The following SH3TC1 variants were observed in gnomAD, a reference collection of about 807,000 sequenced individuals.
SH3TC1 encodes the protein SH3 domain and tetratricopeptide repeats 1.
A neutral mutation model predicts 117.3 loss-of-function variants in SH3TC1; 135 were observed. The observed-to-expected ratio is 1.15, with a 90% CI of 1.00 to 1.33. SH3TC1 has a LOEUF of 1.33. SH3TC1 is among the 40% of genes most tolerant of loss of function. SH3TC1 has a pLI of 0.00. For synonymous variants in SH3TC1, 898 were observed against 816.9 expected, an observed-to-expected ratio of 1.10 and a Z score of -1.69; for missense variants, 2,092 against 1,794.3, an observed-to-expected ratio of 1.17 and a Z score of -3.00.
At position 8,214,372 on chromosome 4, in the gene SH3TC1, G is replaced by A. The variant is rs2291069; in HGVS notation, c.376-103G>A. On this transcript the variant is annotated intron_variant, in intron 4 of 17. Coordinates refer to ENST00000245105, the MANE Select transcript of SH3TC1 (RefSeq NM_018986.5). Reference sequence around the variant, plus strand: ...TGCCCTGGGTGTGTCGTCCCCCGCCGGGGCCACATCTGCAAGATGTCTCTG... The same window carrying A: ...TGCCCTGGGTGTGTCGTCCCCCGCCAGGGCCACATCTGCAAGATGTCTCTG... The A allele has an allele frequency of 0.51, 537,492 of 1,053,828 alleles. 143,789 individuals carry two copies. The highest frequency in any genetic ancestry group is 0.82 in the East Asian group (32,828 of 40,064). 65.3% of individuals were successfully genotyped at this position (1,053,828 alleles called of 1,614,324 possible).
chr4:8,232,504 C>T, intron 13 of SH3TC1: 2 of 1,399,388 alleles, frequency 1.4e-6, no homozygotes, highest in Non-Finnish European at 1.9e-6. Flanking sequence ...CCCGAGTCTT[C>T]ACTCCTGGCC....
chr4:8,184,333 T>C (rs751085718), intron 1 of SH3TC1, among the ~76,000 whole-genome samples: 9 of 152,242 alleles, frequency 5.9e-5, no homozygotes, highest in Non-Finnish European at 1.2e-4. Context: ...CCAGTCTACA[T>C]GTACGGAAGT....
Position 8,205,203 on chromosome 4 carries a change from C to T in SH3TC1, c.9C>T (p.Asn3=). 1 of 1,531,606 alleles carries T rather than the reference C, an allele frequency of 6.5e-7. No homozygotes were observed. The highest frequency in any genetic ancestry group is 8.8e-7 in the Non-Finnish European group (1 of 1,140,100). The allele number at this position is 1,531,606 out of a possible 1,614,324, so 94.9% of individuals were successfully genotyped here. A position where few individuals can be genotyped will look rare whatever the true frequency, so the allele number is the denominator to read the frequency against. ME[N]LPAVTTEEPT... is the part of the protein sequence containing the mutation. ...TGAGGTCTCTGCGGGTCATGGAGAACCTCCCTGCCGTGACCACTGAGGAGC... is the reference window on the plus strand; with the variant it reads ...TGAGGTCTCTGCGGGTCATGGAGAATCTCCCTGCCGTGACCACTGAGGAGC... The change falls in exon 2 of 18, where the codon AAC becomes AAT. Residue 3 remains asparagine (N), a synonymous_variant. Transcript: ENST00000245105. This position sits in a 1 kb window ranked among gnomAD's most constrained non-coding sequence, Gnocchi z 5.4.
chr4:8,212,162 A>T (rs1221400837), intron 3 of SH3TC1, among the ~76,000 whole-genome samples: 1 of 151,964 alleles, frequency 6.6e-6, no homozygotes, highest in Non-Finnish European at 1.5e-5. Context: ...AGTGGAGAGG[A>T]GCCGGCTTAG....
At chr4:8,203,520 A>C (rs1215903249) in intron 1 of SH3TC1, among the ~76,000 whole-genome samples, 2 of 151,876 alleles carry the variant, frequency 1.3e-5, no homozygotes. Flanking sequence ...GGTGCTGGGG[A>C]AGGAAACTGG....
Position 8,212,686 on chromosome 4 carries a change from C to T in SH3TC1, c.248-15C>T, listed in dbSNP as rs372665200. 5.4e-5 allele frequency: 87 copies of T among 1,612,782 alleles called. No individual in the cohort carries two copies. In the African/African-American group the frequency reaches 9.5e-4, roughly 18 times the overall value. On this transcript the variant is annotated splice_polypyrimidine_tract_variant and intron_variant, in intron 3 of 17. Coordinates refer to ENST00000245105, the MANE Select transcript of SH3TC1 (RefSeq NM_018986.5). ...CAGGTCAGACCAACTGCCCAACCTC[C>T]GTCTGCCCCTCCAGACCTGACCCTG...
In SH3TC1 at chr4:8,228,448, C is replaced by T. The variant is rs752189633; in HGVS notation, c.2754C>T (p.Ala918=). The T allele has an allele frequency of 1.2e-6, 2 of 1,604,876 alleles. No homozygotes were observed. Among genetic ancestry groups the T allele is most frequent in the East Asian group, 2.2e-5 (1 of 44,782 alleles). Residue 918 remains alanine (A), a synonymous_variant, in exon 12 of 18, where the codon GCC becomes GCT. Coordinates refer to ENST00000245105, the MANE Select transcript of SH3TC1 (RefSeq NM_018986.5). ...GGGCCCTGTGCCTGCATGCGGGTGC[C>T]AGCAGGCTGGCCCAGCACTACCTCC... ...NFGALCLHAG[A]SRLAQHYLLE... is the part of the protein sequence containing the mutation.
At chr4:8,222,064 C>T (rs1211893993) in intron 9 of SH3TC1, among the ~76,000 whole-genome samples, 1 of 152,084 alleles carries the variant, frequency 6.6e-6, no homozygotes, top group Non-Finnish European at 1.5e-5. Context: ...CTGTTTCTTC[C>T]TGTAGTTCTT....
At chr4:8,204,053 A>G (rs1048010687) in intron 1 of SH3TC1, among the ~76,000 whole-genome samples, 4 of 152,210 alleles carry the variant, frequency 2.6e-5, no homozygotes, top group African/African-American at 4.8e-5. Flanking sequence ...GCCCCCCAGC[A>G]TCCACCACAA....
In SH3TC1 at chr4:8,228,431, T is replaced by C. The variant is rs1720775380; in HGVS notation, c.2737T>C (p.Cys913Arg). 2 of 1,605,116 alleles carry C rather than the reference T, an allele frequency of 1.2e-6. No homozygotes were observed. The highest frequency in any genetic ancestry group is 2.7e-5 in the African/African-American group (2 of 74,876). The change falls in exon 12 of 18, where the codon TGC (cysteine) becomes CGC (arginine). Residue 913 changes from cysteine to arginine, a missense_variant. Physicochemically the swap from Cys to Arg is radical, Grantham distance 180 (BLOSUM62 -3). Transcript: ENST00000245105. Reference protein sequence around the residue: ...AVGLANFGALCLHAGASRLAQ... With the variant: ...AVGLANFGALRLHAGASRLAQ... ...GGGGCTGGCCAACTTCGGGGCCCTG[T>C]GCCTGCATGCGGGTGCCAGCAGGCT... is the stretch of plus-strand genomic sequence containing the variant.
intron 9 of SH3TC1, among the ~76,000 whole-genome samples, chr4:8,219,851 G>C (rs1339361611): frequency 6.6e-6 from 1 of 152,224 alleles, no homozygotes; most frequent in Non-Finnish European, 1.5e-5. Flanking sequence ...CTTGTTCAGA[G>C]TTGTGGAGGC....
rs1719343339 is a variant in SH3TC1 at position 8,216,955 on chromosome 4, A to G, written c.629-2A>G. On this transcript the variant is annotated splice_acceptor_variant, in intron 6 of 17. Transcript: ENST00000245105. LOFTEE classifies it high-confidence loss of function. ...TCAGTGACCACCTCCATCCTTTTGA[A>G]GGGCCCTTCTTTGTCCTGTGTCCTG... The G allele has an allele frequency of 6.2e-7, 1 of 1,613,864 alleles. No individual in the cohort carries two copies. The highest frequency in any genetic ancestry group is 1.3e-5 in the African/African-American group (1 of 74,896).
chr4:8,239,439 C>T (rs564603455), intron 17 of SH3TC1, among the ~76,000 whole-genome samples: 131 of 147,852 alleles, frequency 8.9e-4, no homozygotes, highest in African/African-American at 3.1e-3. Context: ...TGCACACACA[C>T]GGACACGCAC....
chr4:8,222,045 C>T (rs1719965729), intron 9 of SH3TC1, among the ~76,000 whole-genome samples: 3 of 152,060 alleles, frequency 2.0e-5, no homozygotes, highest in Admixed American at 1.3e-4. Context: ...CCCCTCTCTC[C>T]CTCTCTCTCT....
chr4:8,197,943 G>A (rs778823332), upstream of SH3TC1, among the ~76,000 whole-genome samples: 13 of 152,066 alleles, frequency 8.5e-5, no homozygotes, highest in Non-Finnish European at 1.6e-4. Flanking sequence ...TTTGACCTGA[G>A]TAGCTCACCT....
At chr4:8,213,845 C>T (rs1166542342) in intron 4 of SH3TC1, among the ~76,000 whole-genome samples, 1 of 151,162 alleles carries the variant, frequency 6.6e-6, no homozygotes, top group Non-Finnish European at 1.5e-5. Flanking sequence ...ATGGTTATGC[C>T]ACTGCACTCC....
At chr4:8,235,701 T>C in intron 15 of SH3TC1, 146 bp downstream of exon 15, 3 of 1,151,692 alleles carry the variant, frequency 2.6e-6, no homozygotes, top group Non-Finnish European at 3.5e-6. Context: ...TCACCGGGAA[T>C]GATATTGACT....
intron 7 of SH3TC1, 137 bp from the exon 8 acceptor site, chr4:8,218,134 G>T (rs1719486828): frequency 3.4e-6 from 2 of 587,880 alleles, no homozygotes; most frequent in Admixed American, 2.7e-5. Flanking sequence ...GTGTGTGTGT[G>T]TGCACGTGTG....
chr4:8,235,594 G>T (rs369971727), intron 15 of SH3TC1, 39 bp downstream of exon 15: 3 of 1,524,588 alleles, frequency 2.0e-6, no homozygotes, highest in Non-Finnish European at 2.7e-6. Flanking sequence ...GGGCCCCAGG[G>T]GGGGCACCTT....
Sources: gnomAD v4.1 joint callset for allele counts (sites outside exome capture counted in the v4.1 genomes callset) on GRCh38, gnomAD v4.1.1 for gene constraint, Gnocchi (gnomAD v3.1) non-coding constraint, MANE v1.5 for transcripts, NCBI Gene and HGNC (gene_info 2026-07-23, HGNC 2026-07-21) for gene names.